ATP10A: variants seen among roughly 807,000 people sequenced by gnomAD.
ATP10A encodes the protein ATPase phospholipid transporting 10A (putative), also known as phospholipid-transporting ATPase VA.
ATP10A carries 111 observed loss-of-function variants against 147.8 expected under a neutral mutation model. That is an observed-to-expected ratio of 0.75 (90% confidence interval 0.64 to 0.88). ATP10A has a LOEUF of 0.88. ATP10A is among the 40% of genes least tolerant of loss of function. The pLI is 0.00. For missense variants in ATP10A, 1,927 were observed against 1,959.0 expected, an observed-to-expected ratio of 0.98 and a Z score of 0.31; for synonymous variants, 875 against 841.6, an observed-to-expected ratio of 1.04 and a Z score of -0.69.
At chr15:25,763,872 AT>A (rs142966923) in intron 2 of ATP10A, among the ~76,000 whole-genome samples, 1 of 152,146 alleles carries the variant, frequency 6.6e-6, no homozygotes, top group Non-Finnish European at 1.5e-5. Context: ...TCAAAAGTAC[AT>A]TTTTTTGTAA....
At chr15:25,762,097 C>A (rs1888789875) in intron 2 of ATP10A, among the ~76,000 whole-genome samples, 1 of 152,134 alleles carries the variant, frequency 6.6e-6, no homozygotes, top group South Asian at 2.1e-4. Context: ...AGTGAGTTCT[C>A]ATGAGATCTG....
At chr15:25,798,130 T>C (rs1021367703) in intron 1 of ATP10A, among the ~76,000 whole-genome samples, 2 of 151,976 alleles carry the variant, frequency 1.3e-5, no homozygotes, top group African/African-American at 2.4e-5. Context: ...ATCACTGGAG[T>C]TAAGGAGCTC....
intron 1 of ATP10A, among the ~76,000 whole-genome samples, chr15:25,829,696 G>C (rs1328405490): frequency 6.6e-6 from 1 of 152,146 alleles, no homozygotes; most frequent in African/African-American, 2.4e-5. Context: ...CTAGGCAGGA[G>C]CCAGGAGAGA....
downstream of ATP10A, among the ~76,000 whole-genome samples, chr15:25,674,856 C>T (rs182821899): frequency 5.2e-4 from 79 of 152,358 alleles, no homozygotes; most frequent in African/African-American, 1.4e-3. Context: ...GAGGACAGCC[C>T]GGGGCCTGGG....
intron 2 of ATP10A, among the ~76,000 whole-genome samples, chr15:25,743,067 G>C (rs1224303688): frequency 6.6e-6 from 1 of 152,226 alleles, no homozygotes; most frequent in Non-Finnish European, 1.5e-5. Flanking sequence ...TCTGTGCACA[G>C]CGTAAGAGGG....
intron 1 of ATP10A, among the ~76,000 whole-genome samples, chr15:25,792,873 C>CTTTTTTT (rs56011953): frequency 0.05 from 6,700 of 133,920 alleles, 423 homozygotes; most frequent in East Asian, 0.25. Context: ...CCTTTTCAAT[C>CTTTTTTT]TTTTTTTTTT....
At chr15:25,808,178 G>C (rs1198704500) in intron 1 of ATP10A, among the ~76,000 whole-genome samples, 4 of 152,146 alleles carry the variant, frequency 2.6e-5, no homozygotes, top group Admixed American at 2.0e-4. Flanking sequence ...TATTTTCTGG[G>C]TCTAAGGCTT....
downstream of ATP10A, among the ~76,000 whole-genome samples, chr15:25,676,001 G>T (rs1181155025): frequency 6.6e-6 from 1 of 152,010 alleles, no homozygotes; most frequent in African/African-American, 2.4e-5. Context: ...GGAAAGGAAG[G>T]GACCAAAAAG....
chr15:25,748,168 T>A (rs1196606074), intron 2 of ATP10A, among the ~76,000 whole-genome samples: 1 of 152,134 alleles, frequency 6.6e-6, no homozygotes, highest in Non-Finnish European at 1.5e-5. Flanking sequence ...TTCACTGTGT[T>A]AGCCAGGATG....
chr15:25,816,174 A>C (rs1313025102), intron 1 of ATP10A, among the ~76,000 whole-genome samples: 1 of 151,982 alleles, frequency 6.6e-6, no homozygotes, highest in Non-Finnish European at 1.5e-5. Context: ...GAGAACAATA[A>C]AAATTATTAT....
chr15:25,735,003 CGG>C (rs774115891), intron 3 of ATP10A, among the ~76,000 whole-genome samples: 80 of 132,072 alleles, frequency 6.1e-4, no homozygotes, highest in African/African-American at 2.2e-3. Context: ...GTGGTGGGAG[CGG>C]GGGGGGGGTG....
At chr15:25,695,648 G>A (rs77067999) in intron 13 of ATP10A, among the ~76,000 whole-genome samples, 456 of 151,978 alleles carry the variant, frequency 3.0e-3, no homozygotes, top group Non-Finnish European at 4.8e-3. Flanking sequence ...AGACTGAACT[G>A]GTCTAGGTTT....
chr15:25,693,783 C>T (rs948572753), intron 14 of ATP10A, among the ~76,000 whole-genome samples: 13 of 152,166 alleles, frequency 8.5e-5, no homozygotes, highest in African/African-American at 2.4e-4. Flanking sequence ...GTCCCCATGA[C>T]GACCGTGTTC....
At chr15:25,780,463 G>T (rs933575656) in intron 2 of ATP10A, among the ~76,000 whole-genome samples, 4 of 152,202 alleles carry the variant, frequency 2.6e-5, no homozygotes, top group African/African-American at 4.8e-5. Flanking sequence ...TTTCTCCCTG[G>T]AGCAGGGACA....
intron 1 of ATP10A, among the ~76,000 whole-genome samples, chr15:25,791,455 C>T (rs1353069757): frequency 6.6e-6 from 1 of 152,176 alleles, no homozygotes; most frequent in Non-Finnish European, 1.5e-5. Context: ...GGCACAATCA[C>T]AGCTCACTGC....
Position 25,679,953 on chromosome 15 carries a change from CT to C in ATP10A, c.3887del (p.Gln1296ArgfsTer15). 3 of 1,596,220 alleles carry C rather than the reference CT, an allele frequency of 1.9e-6. No individual in the cohort carries two copies. Among genetic ancestry groups the C allele is most frequent in the Non-Finnish European group, 2.6e-6 (3 of 1,167,754 alleles). On this transcript the variant is annotated frameshift_variant, in exon 21 of 21. Coordinates refer to ENST00000555815, the MANE Select transcript of ATP10A (RefSeq NM_024490.4). LOFTEE classifies it high-confidence loss of function. ...GAAGTTGTGTGGGGAAAACCCTCCC[CT>C]GGAGGGATCTGAAAAACAATCTAGA... is the stretch of plus-strand genomic sequence containing the variant. ...LLPRLFFRSL[Q>X]GRVFPTQLQL...
chr15:25,819,887 T>A (rs1389166213), intron 1 of ATP10A, among the ~76,000 whole-genome samples: 2 of 151,864 alleles, frequency 1.3e-5, no homozygotes, highest in African/African-American at 2.4e-5. Flanking sequence ...AACACAAGGA[T>A]ATAGAGTGTA....
intron 7 of ATP10A, among the ~76,000 whole-genome samples, chr15:25,721,389 T>C (rs931314819): frequency 6.6e-6 from 1 of 152,186 alleles, no homozygotes; most frequent in African/African-American, 2.4e-5. Flanking sequence ...GCTTGCCTGA[T>C]TGCTTAGGCG....
intron 16 of ATP10A, among the ~76,000 whole-genome samples, chr15:25,685,749 A>G (rs1199564931): frequency 6.6e-6 from 1 of 151,554 alleles, no homozygotes; most frequent in Non-Finnish European, 1.5e-5. Context: ...GCTTGAGCCT[A>G]GGAGTTTGAG....
Sources: gnomAD v4.1 joint callset for allele counts (sites outside exome capture counted in the v4.1 genomes callset) on GRCh38, gnomAD v4.1.1 for gene constraint, MANE v1.5 for transcripts, NCBI Gene and HGNC (gene_info 2026-07-23, HGNC 2026-07-21) for gene names.